The following RANBP9 variants were observed in gnomAD, a reference collection of about 807,000 sequenced individuals.
The protein encoded by RANBP9 is RAN binding protein 9.
In RANBP9, 15 loss-of-function variants were observed where a neutral mutation model predicts 84.3. The observed-to-expected ratio is 0.18, with a 90% CI of 0.12 to 0.27. The LOEUF (loss-of-function observed/expected upper bound fraction) is 0.27. Ranked by LOEUF, RANBP9 falls within the 10% of genes least tolerant of loss-of-function variation. RANBP9 has a pLI of 1.00. For missense variants in RANBP9, 809 were observed against 912.8 expected (o/e 0.89, Z 1.46); for synonymous variants, 392 against 349.6 (o/e 1.12, Z -1.35).
chr6:13,686,012 G>A (rs1015498919), intron 2 of RANBP9, among the ~76,000 whole-genome samples: 2 of 148,012 alleles, frequency 1.4e-5, no homozygotes, highest in African/African-American at 5.0e-5. Context: ...AGTATTGATA[G>A]CAATTAATTA....
chr6:13,676,975 C>T (rs1765899730), intron 2 of RANBP9, among the ~76,000 whole-genome samples: 1 of 152,068 alleles, frequency 6.6e-6, no homozygotes, highest in African/African-American at 2.4e-5. Context: ...TTTCCTTTTA[C>T]GGCTCTTATT....
chr6:13,668,024 G>C (rs2113302006), intron 2 of RANBP9, among the ~76,000 whole-genome samples: 1 of 151,844 alleles, frequency 6.6e-6, no homozygotes, highest in South Asian at 2.1e-4. Context: ...GGAGAGACTA[G>C]AAAAACAATA....
At position 13,644,415 on chromosome 6, in the gene RANBP9, AATC is replaced by A. The variant is rs566587298; in HGVS notation, c.1112+127_1112+129del. On this transcript the variant is annotated intron_variant, in intron 6 of 13. Transcript: ENST00000011619. Reference sequence around the variant, plus strand: ...AAATTACTTTTCGTTGAGAGATTAAAATCAATAATATAATAGATATGTCAGTAT... The same window carrying A: ...AAATTACTTTTCGTTGAGAGATTAAAAATAATATAATAGATATGTCAGTAT... 5.9e-4 allele frequency: 522 copies of A among 878,790 alleles called. 1 individual carries two copies. The African/African-American group carries it at 8.2e-3, about 14-fold the overall frequency. 54.4% of individuals were successfully genotyped at this position (878,790 alleles called of 1,614,324 possible). A position where few individuals can be genotyped will look rare whatever the true frequency, so the allele number is the denominator to read the frequency against.
intron 2 of RANBP9, among the ~76,000 whole-genome samples, chr6:13,669,241 A>C (rs1765720504): frequency 6.6e-6 from 1 of 152,184 alleles, no homozygotes; most frequent in Non-Finnish European, 1.5e-5. Context: ...GTAAATGGAA[A>C]GACTCCCCAT....
intron 5 of RANBP9, among the ~76,000 whole-genome samples, chr6:13,647,916 C>T (rs1267506615): frequency 3.3e-5 from 5 of 151,976 alleles, no homozygotes; most frequent in South Asian, 4.1e-4. Flanking sequence ...TAAAAAACAA[C>T]GGCCTTCAAT....
At chr6:13,690,940 T>G (rs10948859) in intron 2 of RANBP9, among the ~76,000 whole-genome samples, 18,098 of 151,906 alleles carry the variant, frequency 0.12, 1,417 homozygotes, top group South Asian at 0.16. Context: ...CCGAGGTGGG[T>G]GGATCATTTT....
Position 13,711,642 on chromosome 6 carries a change from C to A in RANBP9, c.-137G>T, listed in dbSNP as rs1278378615. On this transcript the variant is annotated 5_prime_UTR_variant, in exon 1 of 14. Coordinates refer to ENST00000011619, the MANE Select transcript of RANBP9 (RefSeq NM_005493.3). Reference sequence around the variant, plus strand: ...CCGGAAGCAGGCGGCGGGCCGCGCGCCCAGGGAGACCGCGGCGGTTGAGGA... The same window carrying A: ...CCGGAAGCAGGCGGCGGGCCGCGCGACCAGGGAGACCGCGGCGGTTGAGGA... 1.3e-6 allele frequency: 1 copy of A among 749,474 alleles called. No homozygotes were observed. The highest frequency in any genetic ancestry group is 1.9e-5 in the African/African-American group (1 of 53,508). 46.4% of individuals were successfully genotyped at this position (749,474 alleles called of 1,614,324 possible).
intron 2 of RANBP9, among the ~76,000 whole-genome samples, chr6:13,664,278 A>C (rs1366377384): frequency 6.6e-6 from 1 of 152,154 alleles, no homozygotes; most frequent in African/African-American, 2.4e-5. Context: ...AAAACATAAA[A>C]CATCGAACAA....
chr6:13,642,384 ATTT>A (rs1175082620), intron 7 of RANBP9, 92 bp downstream of exon 7: 1 of 528,906 alleles, frequency 1.9e-6, no homozygotes, highest in Non-Finnish European at 2.9e-6. Context: ...TATATTTGAA[ATTT>A]TTTTAATTAA....
At chr6:13,638,299 T>C (rs1764986983) in intron 9 of RANBP9, among the ~76,000 whole-genome samples, 1 of 151,840 alleles carries the variant, frequency 6.6e-6, no homozygotes, top group South Asian at 2.1e-4. Context: ...TCAAGAGGAG[T>C]AGTGGCTAAG....
chr6:13,636,391 C>G (rs1764940466), intron 10 of RANBP9, among the ~76,000 whole-genome samples: 1 of 152,186 alleles, frequency 6.6e-6, no homozygotes, highest in Non-Finnish European at 1.5e-5. Flanking sequence ...TAAGGCAGTT[C>G]AAAGTTGACT....
intron 2 of RANBP9, among the ~76,000 whole-genome samples, chr6:13,661,658 A>G (rs1765540808): frequency 6.6e-6 from 1 of 152,208 alleles, no homozygotes; most frequent in African/African-American, 2.4e-5. Context: ...ATATAAGGAC[A>G]GTGGTGTACC....
At chr6:13,688,718 G>C (rs1766248563) in intron 2 of RANBP9, among the ~76,000 whole-genome samples, 1 of 150,972 alleles carries the variant, frequency 6.6e-6, no homozygotes, top group South Asian at 2.1e-4. Context: ...TCTATCCTCA[G>C]GCAACCGCCT....
intron 2 of RANBP9, among the ~76,000 whole-genome samples, chr6:13,670,028 G>C (rs182722417): frequency 2.9e-3 from 439 of 152,094 alleles, no homozygotes; most frequent in African/African-American, 1.0e-2. Context: ...AGTGGCTCAA[G>C]TCTATAATCC....
chr6:13,652,533 G>C, intron 5 of RANBP9, 126 bp downstream of exon 5: 1 of 879,318 alleles, frequency 1.1e-6, no homozygotes, highest in Non-Finnish European at 1.7e-6. Flanking sequence ...CTCTTTCTTT[G>C]CATGTCATAT....
chr6:13,648,101 G>C (rs1367348895), intron 5 of RANBP9, among the ~76,000 whole-genome samples: 1 of 143,744 alleles, frequency 7.0e-6, no homozygotes, highest in African/African-American at 2.6e-5. Flanking sequence ...TGGACATTTT[G>C]CATAAATGGA....
rs567552120 is a variant in RANBP9, at chr6:13,634,720, T to C, written c.1674-168A>G. On this transcript the variant is annotated intron_variant, in intron 10 of 13. Coordinates refer to ENST00000011619, the MANE Select transcript of RANBP9 (RefSeq NM_005493.3). ...TCTTGAACGTATTCAAAGCCAAACATGTCGCTGACTTTTAACAAATTTGTA... is the reference window on the plus strand; with the variant it reads ...TCTTGAACGTATTCAAAGCCAAACACGTCGCTGACTTTTAACAAATTTGTA... Among the ~76,000 whole-genome samples, 4 of 152,316 alleles carry C rather than the reference T, an allele frequency of 2.6e-5. No individual in the cohort carries two copies. In the East Asian group the frequency reaches 7.7e-4, roughly 29 times the overall value.
At chr6:13,709,521 A>C (rs1758219644) in intron 1 of RANBP9, among the ~76,000 whole-genome samples, 1 of 152,266 alleles carries the variant, frequency 6.6e-6, no homozygotes, top group South Asian at 2.1e-4. Flanking sequence ...GTTCACACAA[A>C]TTAAAACATA....
intron 9 of RANBP9, 109 bp downstream of exon 9, chr6:13,639,454 A>T: frequency 8.2e-7 from 1 of 1,224,000 alleles, no homozygotes; most frequent in Admixed American, 2.4e-5. Context: ...CTGGGATTAC[A>T]AGCGTGAGCC....
Sources: gnomAD v4.1 joint callset for allele counts (sites outside exome capture counted in the v4.1 genomes callset) on GRCh38, gnomAD v4.1.1 for gene constraint, MANE v1.5 for transcripts, NCBI Gene and HGNC (gene_info 2026-07-23, HGNC 2026-07-21) for gene names.